PDE4D: variants seen among roughly 807,000 people sequenced by gnomAD.
PDE4D encodes the protein phosphodiesterase 4D.
A neutral mutation model predicts 87.4 loss-of-function variants in PDE4D; 24 were observed. That is an observed-to-expected ratio of 0.27 (90% CI 0.20 to 0.39). The LOEUF (loss-of-function observed/expected upper bound fraction) is 0.39, where lower values mean the gene tolerates loss of function less well. PDE4D is among the 10% of genes least tolerant of loss of function. The probability of loss-of-function intolerance (pLI) is 1.00; values close to 1 mark genes in which losing one functional copy is unlikely to be tolerated. For synonymous variants in PDE4D, 384 were observed against 383.2 expected, an observed-to-expected ratio of 1.00 and a Z score of -0.02; for missense variants, 714 against 1,041.0, an observed-to-expected ratio of 0.69 and a Z score of 4.32.
At chr5:60,468,165 G>A (rs1041599731) in intron 1 of PDE4D, among the ~76,000 whole-genome samples, 1 of 110,728 alleles carries the variant, frequency 9.0e-6, no homozygotes, top group African/African-American at 5.1e-5. Context: ...TTGAGACAAG[G>A]TCCTGCTCTG....
At chr5:59,927,656 G>C (rs966282541) in intron 3 of PDE4D, among the ~76,000 whole-genome samples, 1 of 152,124 alleles carries the variant, frequency 6.6e-6, no homozygotes, top group African/African-American at 2.4e-5. Context: ...GTGCTAATTA[G>C]TACGAAGGCA....
At chr5:60,497,543 T>C (rs1338678753) in intron 1 of PDE4D, among the ~76,000 whole-genome samples, 3 of 151,916 alleles carry the variant, frequency 2.0e-5, no homozygotes, top group Non-Finnish European at 4.4e-5. Flanking sequence ...GCTGGGATCA[T>C]AGGCACATGC....
chr5:60,388,108 T>C (rs1762318302), intron 1 of PDE4D, among the ~76,000 whole-genome samples: 1 of 152,160 alleles, frequency 6.6e-6, no homozygotes, highest in East Asian at 1.9e-4. Context: ...AGCTTCTGCG[T>C]CCTCCGTAGA....
chr5:59,283,700 C>T (rs1464211434), intron 1 of PDE4D, among the ~76,000 whole-genome samples: 3 of 152,150 alleles, frequency 2.0e-5, no homozygotes, highest in Non-Finnish European at 4.4e-5. Flanking sequence ...TCCTACTCTG[C>T]CTTCAAGATC....
chr5:60,039,829 G>A (rs1447238021), intron 2 of PDE4D, among the ~76,000 whole-genome samples: 1 of 152,064 alleles, frequency 6.6e-6, no homozygotes, highest in Non-Finnish European at 1.5e-5. Context: ...TTCTGCTATT[G>A]TGCTAAGGTT....
chr5:60,436,588 A>T (rs1321830159), intron 1 of PDE4D, among the ~76,000 whole-genome samples: 2 of 152,100 alleles, frequency 1.3e-5, no homozygotes, highest in Non-Finnish European at 2.9e-5. Context: ...TTGAGCTTCA[A>T]ACAGAAAATA....
At chr5:59,706,449 C>T (rs906732701) in intron 1 of PDE4D, among the ~76,000 whole-genome samples, 1 of 152,228 alleles carries the variant, frequency 6.6e-6, no homozygotes, top group African/African-American at 2.4e-5. Context: ...TAATTAAATG[C>T]TAGGATATCA....
At chr5:59,387,476 A>T (rs424839) in intron 1 of PDE4D, among the ~76,000 whole-genome samples, 37,678 of 151,972 alleles carry the variant, frequency 0.25, 4,990 homozygotes, top group East Asian at 0.39. Context: ...AGAGAAATGG[A>T]TTTTATGAAG....
At chr5:59,207,592 C>T (rs1361005238) in intron 2 of PDE4D, among the ~76,000 whole-genome samples, 1 of 152,086 alleles carries the variant, frequency 6.6e-6, no homozygotes, top group African/African-American at 2.4e-5. Flanking sequence ...ATAGGCTAAT[C>T]TTCCTTGACT....
At chr5:60,306,735 T>A (rs545256166) in intron 1 of PDE4D, among the ~76,000 whole-genome samples, 1 of 152,170 alleles carries the variant, frequency 6.6e-6, no homozygotes, top group Non-Finnish European at 1.5e-5. Flanking sequence ...CGTGACAGAC[T>A]AATGCAGTGG....
chr5:59,398,134 C>A (rs1289712115), intron 1 of PDE4D, among the ~76,000 whole-genome samples: 3 of 147,558 alleles, frequency 2.0e-5, no homozygotes, highest in Non-Finnish European at 4.5e-5. Flanking sequence ...GATTCACAGC[C>A]AAATTCTACC....
intron 1 of PDE4D, among the ~76,000 whole-genome samples, chr5:60,233,779 CTAT>C (rs1746093800): frequency 6.6e-6 from 1 of 151,738 alleles, no homozygotes; most frequent in African/African-American, 2.4e-5. Context: ...GATAAAGGCA[CTAT>C]TATTATGCTT....
At chr5:59,145,189 A>T (rs1778454192) in intron 5 of PDE4D, among the ~76,000 whole-genome samples, 1 of 152,212 alleles carries the variant, frequency 6.6e-6, no homozygotes, top group Non-Finnish European at 1.5e-5. Flanking sequence ...AATGATCCAT[A>T]GTGTTATCAC....
At chr5:60,426,243 C>T (rs1430699417) in intron 1 of PDE4D, among the ~76,000 whole-genome samples, 7 of 152,124 alleles carry the variant, frequency 4.6e-5, no homozygotes, top group African/African-American at 7.2e-5. Flanking sequence ...ATGTCTATTG[C>T]GGCACTATTC....
chr5:60,338,394 C>T (rs1045450281), intron 1 of PDE4D, among the ~76,000 whole-genome samples: 6 of 152,220 alleles, frequency 3.9e-5, no homozygotes, highest in African/African-American at 1.4e-4. Context: ...ACTGCTGCTG[C>T]CGCCGCCACT....
chr5:59,778,880 G>T (rs1764333174), intron 1 of PDE4D, among the ~76,000 whole-genome samples: 1 of 152,152 alleles, frequency 6.6e-6, no homozygotes, highest in African/African-American at 2.4e-5. Context: ...AAATCCTTTT[G>T]CTAGGCCAGT....
In PDE4D at chr5:60,337,362, T is replaced by A. The variant is rs1167292144; in HGVS notation, c.-90+150580A>T. ...AACAAACAAACAAACTATATATATA[T>A]ATATATATATATATATATATATATA... On this transcript the variant is annotated intron_variant, in intron 1 of 16. Coordinates refer to the PDE4D transcript ENST00000502484. Among the ~76,000 whole-genome samples, 218 of 105,078 alleles carry A rather than the reference T, an allele frequency of 2.1e-3. 4 individuals are homozygous for A. The highest frequency in any genetic ancestry group is 4.7e-3 in the African/African-American group (118 of 25,376). 68.9% of individuals were successfully genotyped at this position (105,078 alleles called of 152,430 possible). A position where few individuals can be genotyped will look rare whatever the true frequency, so the allele number is the denominator to read the frequency against.
intron 1 of PDE4D, among the ~76,000 whole-genome samples, chr5:59,736,660 T>C (rs1010512424): frequency 4.6e-5 from 7 of 150,788 alleles, no homozygotes; most frequent in Non-Finnish European, 1.0e-4. Context: ...GCCTGGGTGA[T>C]AAAGTGAGAT....
intron 2 of PDE4D, among the ~76,000 whole-genome samples, chr5:60,050,609 A>T (rs1562027373): frequency 6.6e-6 from 1 of 152,224 alleles, no homozygotes; most frequent in East Asian, 1.9e-4. Context: ...CATCAACACT[A>T]TGAAGAAACT....
Sources: allele counts gnomAD v4.1 joint callset (sites outside exome capture counted in the v4.1 genomes callset), GRCh38; gene constraint gnomAD v4.1.1; transcripts MANE v1.5; gene names NCBI Gene and HGNC (gene_info 2026-07-23, HGNC 2026-07-21).